The following ARHGAP12 variants were observed in gnomAD, a reference collection of about 807,000 sequenced individuals.
The protein encoded by ARHGAP12 is Rho GTPase activating protein 12.
In ARHGAP12, 64 loss-of-function variants were observed where a neutral mutation model predicts 108.6. The ratio of observed to expected loss-of-function variants is 0.59; its 90% CI spans 0.48 to 0.73. The LOEUF is 0.73. ARHGAP12 is among the 30% of genes least tolerant of loss of function. The pLI is 0.00. For synonymous variants in ARHGAP12, 312 were observed against 337.2 expected, an observed-to-expected ratio of 0.93 and a Z score of 0.82; for missense variants, 940 against 1,005.9, an observed-to-expected ratio of 0.93 and a Z score of 0.89.
intron 3 of ARHGAP12, among the ~76,000 whole-genome samples, chr10:31,885,458 T>C (rs1223386609): frequency 6.6e-6 from 1 of 151,958 alleles, no homozygotes; most frequent in East Asian, 1.9e-4. Flanking sequence ...AAACCAAGAG[T>C]TCCTTCCTGC....
chr10:31,926,615 A>C (rs1167570403), intron 1 of ARHGAP12, among the ~76,000 whole-genome samples: 1 of 152,264 alleles, frequency 6.6e-6, no homozygotes, highest in Non-Finnish European at 1.5e-5. Flanking sequence ...ATGGTTAAAC[A>C]GATCACCACT....
chr10:31,808,139 T>A (rs527695429), intron 19 of ARHGAP12, among the ~76,000 whole-genome samples: 5 of 152,250 alleles, frequency 3.3e-5, no homozygotes, highest in African/African-American at 1.2e-4. Flanking sequence ...CAGTGACTGC[T>A]CCATTAAGTT....
intron 6 of ARHGAP12, among the ~76,000 whole-genome samples, chr10:31,849,544 A>G (rs961862698): frequency 2.6e-5 from 4 of 152,218 alleles, no homozygotes; most frequent in African/African-American, 9.6e-5. Flanking sequence ...GTAAGTATTA[A>G]GTTGCTTAAG....
intron 1 of ARHGAP12, among the ~76,000 whole-genome samples, chr10:31,914,392 C>T (rs1442522819): frequency 6.6e-6 from 1 of 151,762 alleles, no homozygotes; most frequent in African/African-American, 2.4e-5. Flanking sequence ...TGTCGCTATA[C>T]ATCTGACAAG....
In ARHGAP12 at chr10:31,903,113, T is replaced by C. The variant is rs553408586; in HGVS notation, c.684+5059A>G. Among the ~76,000 whole-genome samples, 8 of 152,318 alleles carry C rather than the reference T, an allele frequency of 5.3e-5. No homozygotes were observed. The East Asian group carries it at 1.5e-3, about 29-fold the overall frequency. Reference sequence around the variant, plus strand: ...TGCATCACTTAACAACGGGGATATTTTCTGAGAAATGTAACAGTCAATTTC... The same window carrying C: ...TGCATCACTTAACAACGGGGATATTCTCTGAGAAATGTAACAGTCAATTTC... On this transcript the variant is annotated intron_variant, in intron 3 of 19. Transcript: ENST00000344936.
rs1440625678 is a variant in ARHGAP12 at position 31,861,563 on chromosome 10, A to T, written c.780T>A (p.Pro260=). 6.2e-7 allele frequency: 1 copy of T among 1,614,180 alleles called. No homozygotes were observed. The highest frequency in any genetic ancestry group is 8.5e-7 in the Non-Finnish European group (1 of 1,180,026). ...CATTAATCTGAATTGCCGGGCTCCC[A>T]GGAAGTGGGGGAAGAGCAGACTGGG... ...KISQSALPPL[P]GSPAIQINGE... is the part of the protein sequence containing the mutation. Residue 260 remains proline, a synonymous_variant, in exon 4 of 20, where the codon CCT becomes CCA. Coordinates refer to ENST00000344936, the MANE Select transcript of ARHGAP12 (RefSeq NM_018287.7).
intron 1 of ARHGAP12, among the ~76,000 whole-genome samples, chr10:31,921,198 G>A (rs1281698272): frequency 6.6e-6 from 1 of 151,932 alleles, no homozygotes; most frequent in Non-Finnish European, 1.5e-5. Context: ...GAGGTAAGAG[G>A]ATTACAGGAG....
intron 1 of ARHGAP12, among the ~76,000 whole-genome samples, chr10:31,921,323 T>A (rs1839795476): frequency 6.6e-6 from 1 of 151,898 alleles, no homozygotes; most frequent in Non-Finnish European, 1.5e-5. Flanking sequence ...TGAATGAAAA[T>A]GAAAACATGT....
At chr10:31,893,366 AAAAG>A (rs1411047853) in intron 3 of ARHGAP12, among the ~76,000 whole-genome samples, 1 of 152,082 alleles carries the variant, frequency 6.6e-6, no homozygotes, top group Non-Finnish European at 1.5e-5. Context: ...AATGAAGAAC[AAAAG>A]AGAGAAGAAT....
At chr10:31,902,715 T>C (rs942854405) in intron 3 of ARHGAP12, among the ~76,000 whole-genome samples, 1 of 151,270 alleles carries the variant, frequency 6.6e-6, no homozygotes, top group Non-Finnish European at 1.5e-5. Flanking sequence ...AATTCAAACA[T>C]AAAATGTGAA....
chr10:31,873,504 C>T (rs1837614697), intron 3 of ARHGAP12, among the ~76,000 whole-genome samples: 2 of 152,140 alleles, frequency 1.3e-5, no homozygotes, highest in African/African-American at 4.8e-5. Flanking sequence ...AATAACCACC[C>T]ATGGCCAGTG....
intron 4 of ARHGAP12, among the ~76,000 whole-genome samples, chr10:31,860,393 A>G (rs1466542117): frequency 1.3e-5 from 2 of 152,174 alleles, no homozygotes; most frequent in Admixed American, 6.5e-5. Flanking sequence ...TATTCTACCA[A>G]TCCTACCAAG....
chr10:31,859,799 C>CTT (rs371109977), intron 4 of ARHGAP12, among the ~76,000 whole-genome samples: 42 of 144,362 alleles, frequency 2.9e-4, no homozygotes, highest in Middle Eastern at 7.4e-3. Flanking sequence ...TAAAATTTTC[C>CTT]TTTTTTTTTT....
In ARHGAP12 at chr10:31,905,173, GA is replaced by G. The variant is rs908375117; in HGVS notation, c.684+2998del. Among the ~76,000 whole-genome samples the G allele has an allele frequency of 8.6e-4, 130 of 151,456 alleles. 1 individual carries two copies. Among genetic ancestry groups the G allele is most frequent in the Middle Eastern group, 6.8e-3 (2 of 294 alleles). On this transcript the variant is annotated intron_variant, in intron 3 of 19. Coordinates refer to ENST00000344936, the MANE Select transcript of ARHGAP12 (RefSeq NM_018287.7). ...TAATATTTACACCCTTGCTATGCTT[GA>G]AAAAAAAATTATTTAAATTTGGCAA...
chr10:31,824,291 T>C (rs1338501236), intron 11 of ARHGAP12, among the ~76,000 whole-genome samples: 7 of 152,218 alleles, frequency 4.6e-5, no homozygotes, highest in African/African-American at 1.4e-4. Context: ...GGTGTGGTTA[T>C]GTTTTTTAAA....
At chr10:31,901,701 C>T (rs909886392) in intron 3 of ARHGAP12, among the ~76,000 whole-genome samples, 6 of 152,160 alleles carry the variant, frequency 3.9e-5, no homozygotes, top group Admixed American at 3.3e-4. Flanking sequence ...TCATAGTCCA[C>T]AGAGGTAAAA....
At chr10:31,926,336 GAA>G (rs58907991) in intron 1 of ARHGAP12, among the ~76,000 whole-genome samples, 3,487 of 135,272 alleles carry the variant, frequency 0.026, 135 homozygotes, top group African/African-American at 0.086. Flanking sequence ...GCTAACTGAA[GAA>G]AAAAAAAAAA....
rs113880587 is a variant in ARHGAP12, at chr10:31,919,630, A to T, written c.-111+9053T>A. ...CCACGGTGAAACCGTCTCTACTAAA[A>T]ATGCAAAAAAATTAGCTGGGCATGG... On this transcript the variant is annotated intron_variant, in intron 1 of 19. Coordinates refer to ENST00000344936, the MANE Select transcript of ARHGAP12 (RefSeq NM_018287.7). Among the ~76,000 whole-genome samples the T allele has an allele frequency of 5.8e-3, 873 of 151,616 alleles. 8 individuals carry two copies. Among genetic ancestry groups the T allele is most frequent in the African/African-American group, 0.019 (782 of 41,318 alleles).
chr10:31,922,967 A>G (rs1342208574), intron 1 of ARHGAP12, among the ~76,000 whole-genome samples: 1 of 152,038 alleles, frequency 6.6e-6, no homozygotes, highest in Admixed American at 6.6e-5. Context: ...GTCTCTACAA[A>G]AAAAGTTTAC....
Sources: gnomAD v4.1 joint callset for allele counts (sites outside exome capture counted in the v4.1 genomes callset) on GRCh38, gnomAD v4.1.1 for gene constraint, MANE v1.5 for transcripts, NCBI Gene and HGNC (gene_info 2026-07-23, HGNC 2026-07-21) for gene names.